Variants in PIEZO2 observed in about 807,000 individuals in gnomAD.
PIEZO2 encodes the protein piezo-type mechanosensitive ion channel component 2.
In PIEZO2, 172 loss-of-function variants were observed where a neutral mutation model predicts 337.3. The observed-to-expected ratio is 0.51, with a 90% confidence interval of 0.45 to 0.58. The LOEUF is 0.58. Among genes scored for constraint, PIEZO2 ranks in the 20% least tolerant of loss-of-function variants. The pLI is 0.00. For synonymous variants in PIEZO2, 1,251 were observed against 1,228.5 expected, an observed-to-expected ratio of 1.02 and a Z score of -0.38; for missense variants, 3,028 against 3,391.3, an observed-to-expected ratio of 0.89 and a Z score of 2.66.
chr18:10,755,970 A>T (rs1480957312), intron 27 of PIEZO2, among the ~76,000 whole-genome samples: 2 of 144,608 alleles, frequency 1.4e-5, no homozygotes. Context: ...GAGCTAGGGG[A>T]TGAGGAGGAA....
chr18:11,062,577 AC>A (rs929277073), intron 2 of PIEZO2, among the ~76,000 whole-genome samples: 7 of 152,026 alleles, frequency 4.6e-5, no homozygotes, highest in African/African-American at 1.7e-4. Context: ...AAAACAAACA[AC>A]CCCATCAAAA....
At position 10,748,837 on chromosome 18, in the gene PIEZO2, T is replaced by C. The variant is rs1214571082; in HGVS notation, c.4265-207A>G. ...ACTGATTCATAAGGCTGACCATGCA[T>C]TGAACTCTTCACACTACAAGGCTCA... On this transcript the variant is annotated intron_variant, in intron 29 of 55. Transcript: ENST00000674853. The surrounding 1 kb of genome is among the most constrained non-coding windows in gnomAD (Gnocchi z 5.1). Among the ~76,000 whole-genome samples the C allele has an allele frequency of 6.6e-6, 1 of 152,172 alleles. No homozygotes were observed. Among genetic ancestry groups the C allele is most frequent in the Non-Finnish European group, 1.5e-5 (1 of 68,030 alleles).
In PIEZO2 at chr18:10,731,420, T is replaced by C; in HGVS notation, c.5016A>G (p.Lys1672=). Reference sequence around the variant, plus strand: ...CCCACCACTCACCCTCCTTGGATCCTTTCCGCCTTCGTTTCCGTTCTTCTC... The same window carrying C: ...CCCACCACTCACCCTCCTTGGATCCCTTCCGCCTTCGTTTCCGTTCTTCTC... ...SAREERKRRR[K]GSKEGPVEWE... The change falls in exon 36 of 56, where the codon AAA becomes AAG. Residue 1672 remains lysine (K), a synonymous_variant. Coordinates refer to ENST00000674853, the MANE Select transcript of PIEZO2 (RefSeq NM_001378183.1). 1 of 1,534,544 alleles carries C rather than the reference T, an allele frequency of 6.5e-7. No individual in the cohort carries two copies. The highest frequency in any genetic ancestry group is 8.7e-7 in the Non-Finnish European group (1 of 1,145,596).
intron 34 of PIEZO2, 74 bp downstream of exon 34, chr18:10,736,530 T>C (rs1468579849): frequency 6.6e-7 from 1 of 1,523,582 alleles, no homozygotes; most frequent in Non-Finnish European, 8.8e-7. Context: ...AGGAGGTGTC[T>C]AGGCCTGCAA....
intron 1 of PIEZO2, among the ~76,000 whole-genome samples, chr18:11,141,533 C>T (rs561294045): frequency 9.2e-5 from 14 of 152,228 alleles, no homozygotes; most frequent in African/African-American, 3.4e-4. Context: ...GTATGTGGAC[C>T]GAGATGAAAA....
In PIEZO2 at chr18:10,931,697, G is replaced by GGTGTGTGT. The variant is rs369138997; in HGVS notation, c.287-20477_287-20470dup. 5.5e-3 allele frequency among the ~76,000 whole-genome samples: 785 copies of GGTGTGTGT among 143,510 alleles called. 10 individuals carry two copies. Among genetic ancestry groups the GGTGTGTGT allele is most frequent in the African/African-American group, 0.018 (720 of 39,970 alleles). 94.1% of individuals were successfully genotyped at this position (143,510 alleles called of 152,430 possible). On this transcript the variant is annotated intron_variant, in intron 3 of 55. Coordinates refer to ENST00000674853, the MANE Select transcript of PIEZO2 (RefSeq NM_001378183.1). ...TCATTCTCTCACTCTTTCTCTGTGT[G>GGTGTGTGT]GTGTGTGTGTGTGTGTGAGAGAGAG...
chr18:10,994,020 C>T (rs1043910110), intron 2 of PIEZO2, among the ~76,000 whole-genome samples: 2 of 152,142 alleles, frequency 1.3e-5, no homozygotes, highest in African/African-American at 4.8e-5. Flanking sequence ...CACACTTTCC[C>T]CCTGCGTCCA....
Position 10,691,331 on chromosome 18 carries a change from A to G in PIEZO2, c.7243T>C (p.Tyr2415His). The part of the protein sequence containing the change: ...AQLWYFVKCV[Y>H]FGLSAYQIRC... ...ATCTGGTAAGCAGACAACCCGAAGT[A>G]AACACATTTCACAAAGTACCAAAGC... The change falls in exon 48 of 56, where the codon TAC (tyrosine) becomes CAC (histidine). Residue 2415 changes from tyrosine to histidine, a missense_variant. Coordinates refer to ENST00000674853, the MANE Select transcript of PIEZO2 (RefSeq NM_001378183.1). The G allele has an allele frequency of 6.2e-7, 1 of 1,614,046 alleles. No homozygotes were observed.
intron 3 of PIEZO2, among the ~76,000 whole-genome samples, chr18:10,937,814 A>G (rs191525595): frequency 7.9e-5 from 12 of 152,278 alleles, no homozygotes; most frequent in Non-Finnish European, 1.6e-4. Context: ...TTGCTGAGTT[A>G]TGCTCTATGT....
chr18:10,796,751 T>C (rs556023437), intron 12 of PIEZO2, among the ~76,000 whole-genome samples: 18 of 152,330 alleles, frequency 1.2e-4, no homozygotes, highest in African/African-American at 4.3e-4. Context: ...TTAGAGCCAG[T>C]GGGACTGTGG....
At chr18:10,997,153 C>T (rs1182911495) in intron 2 of PIEZO2, among the ~76,000 whole-genome samples, 18 of 150,482 alleles carry the variant, frequency 1.2e-4, no homozygotes. Context: ...AATGTTATGG[C>T]AAAGGTTTTG....
chr18:10,693,355 T>G, intron 47 of PIEZO2, among the ~76,000 whole-genome samples: 1 of 59,146 alleles, frequency 1.7e-5, no homozygotes. Context: ...CAATCTGGAT[T>G]TTGTGTGTGT....
chr18:10,892,542 C>T lies in PIEZO2; in HGVS notation c.329+18644G>A, dbSNP rs543896326. Among the ~76,000 whole-genome samples the T allele has an allele frequency of 2.6e-5, 4 of 151,970 alleles. 1 individual carries two copies. Among genetic ancestry groups the T allele is most frequent in the African/African-American group, 9.7e-5 (4 of 41,280 alleles). On this transcript the variant is annotated intron_variant, in intron 4 of 55. Transcript: ENST00000674853. ...GGGGATAATGAAGATAACACACATC[C>T]TGACTATGGTGGTGGTTAAATGATT...
In PIEZO2 at chr18:10,750,227, G is replaced by T. The variant is rs114415425; in HGVS notation, c.4168-40C>A. 1.0e-3 allele frequency: 1,473 copies of T among 1,444,620 alleles called. 17 individuals carry two copies. The African/African-American group carries it at 0.019, about 19-fold the overall frequency. The allele number at this position is 1,444,620 out of a possible 1,614,324, so 89.5% of individuals were successfully genotyped here. On this transcript the variant is annotated intron_variant, in intron 28 of 55. Coordinates refer to ENST00000674853, the MANE Select transcript of PIEZO2 (RefSeq NM_001378183.1). The surrounding 1 kb of genome is among the most constrained non-coding windows in gnomAD (Gnocchi z 4.1). ...AGGGGGATAATCCTGAAGCTCTGCA[G>T]CCAGAAAAAAAAGTGGTGTTTTATG... is the stretch of plus-strand genomic sequence containing the variant.
rs2040532410 is a variant in PIEZO2 at position 10,821,936 on chromosome 18, CAG to C, written c.918-14664_918-14663del. On this transcript the variant is annotated intron_variant, in intron 7 of 55. Transcript: ENST00000674853. This position sits in a 1 kb window ranked among gnomAD's most constrained non-coding sequence, Gnocchi z 4.2. ...TGCAATAGTGCTAGTATAAATTTGT[CAG>C]AGAAAATCAAAGTTACACATTTTGT... Among the ~76,000 whole-genome samples the C allele has an allele frequency of 6.6e-6, 1 of 152,108 alleles. No individual in the cohort carries two copies. Among genetic ancestry groups the C allele is most frequent in the South Asian group, 2.1e-4 (1 of 4,836 alleles).
At chr18:10,915,294 A>G (rs1484246425) in intron 3 of PIEZO2, among the ~76,000 whole-genome samples, 1 of 139,240 alleles carries the variant, frequency 7.2e-6, no homozygotes, top group African/African-American at 2.7e-5. Flanking sequence ...CCCTCATGGC[A>G]TCCCCATCTG....
Position 10,705,533 on chromosome 18 carries a change from C to A in PIEZO2, c.5802G>T (p.Leu1934Phe). 6.5e-7 allele frequency: 1 copy of A among 1,537,244 alleles called. No homozygotes were observed. Among genetic ancestry groups the A allele is most frequent in the Non-Finnish European group, 8.7e-7 (1 of 1,146,890 alleles). The change falls in exon 41 of 56, where the codon TTG (leucine) becomes TTT (phenylalanine). Residue 1934 changes from leucine to phenylalanine, a missense_variant. Around this residue, in one of 5 missense-constraint regions of PIEZO2, gnomAD observed 1,925 missense variants for 2,051.9 expected, o/e 0.94. Transcript: ENST00000674853. ...PEEELTQFST[L>F]DGDVEAPPSY... is the part of the protein sequence containing the mutation. The stretch of plus-strand genomic sequence containing the variant: ...AGGGTGGGGCCTCCACATCCCCGTC[C>A]AAGGTGGAGAACTGTGTCAGCTCTT...
intron 1 of PIEZO2, among the ~76,000 whole-genome samples, chr18:11,117,778 T>C (rs540519546): frequency 1.3e-5 from 2 of 152,290 alleles, no homozygotes; most frequent in Non-Finnish European, 2.9e-5. Context: ...CTTCTTTAGG[T>C]GTCAGTCTTC....
At chr18:10,941,939 G>A (rs879760607) in intron 3 of PIEZO2, among the ~76,000 whole-genome samples, 1 of 152,124 alleles carries the variant, frequency 6.6e-6, no homozygotes, top group Non-Finnish European at 1.5e-5. Context: ...TTCCAGTGCT[G>A]TTCTCATGAT....
Sources: gnomAD v4.1 joint callset for allele counts (sites outside exome capture counted in the v4.1 genomes callset) on GRCh38, gnomAD v4.1.1 for gene constraint, gnomAD v4.1.1 regional missense constraint, Gnocchi (gnomAD v3.1) non-coding constraint, MANE v1.5 for transcripts, NCBI Gene and HGNC (gene_info 2026-07-23, HGNC 2026-07-21) for gene names.